GRK4: variants seen among roughly 807,000 people sequenced by gnomAD.
GRK4 encodes the protein G protein-coupled receptor kinase 4, also known as G protein-coupled receptor kinase 2-like.
A neutral mutation model predicts 77.9 loss-of-function variants in GRK4; 73 were observed. The ratio of observed to expected loss-of-function variants is 0.94; its 90% CI spans 0.78 to 1.14. GRK4 has a LOEUF of 1.14. GRK4 is among the 50% of genes most tolerant of loss of function. GRK4 has a pLI of 0.00. For missense variants in GRK4, 729 were observed against 700.2 expected, an observed-to-expected ratio of 1.04 and a Z score of -0.46; for synonymous variants, 257 against 254.4, an observed-to-expected ratio of 1.01 and a Z score of -0.10.
chr4:3,009,684 A>T lies in GRK4; in HGVS notation c.573A>T (p.Arg191Ser). ...CAAAGAACACATTTAGACATTACAG[A>T]GTTCTAGGAAAAGGCGGATTTGGAG... ...PVTKNTFRHY[R>S]VLGKGGFGEV... Residue 191 changes from arginine to serine, a missense_variant, in exon 7 of 16, where the codon AGA becomes AGT. Arg to Ser is a moderately radical substitution (Grantham distance 110, BLOSUM62 -1). Transcript: ENST00000398052. The T allele has an allele frequency of 6.2e-7, 1 of 1,613,984 alleles. No homozygotes were observed.
At chr4:2,983,794 G>A (rs192713414) in intron 1 of GRK4, among the ~76,000 whole-genome samples, 4 of 152,136 alleles carry the variant, frequency 2.6e-5, no homozygotes, top group Non-Finnish European at 4.4e-5. Context: ...AAATAAAAGA[G>A]GTTTAATTGA....
At chr4:2,975,550 C>T (rs555347033) in intron 1 of GRK4, among the ~76,000 whole-genome samples, 112 of 152,250 alleles carry the variant, frequency 7.4e-4, no homozygotes, top group African/African-American at 2.7e-3. Flanking sequence ...CCTTGATTAG[C>T]GCCCAGTTCT....
At chr4:2,979,529 C>G (rs1467162741) in intron 1 of GRK4, among the ~76,000 whole-genome samples, 1 of 151,816 alleles carries the variant, frequency 6.6e-6, no homozygotes, top group East Asian at 1.9e-4. Flanking sequence ...GCCTGACCAA[C>G]ATGGAGAAAC....
At chr4:3,004,598 A>G (rs548976368) in intron 5 of GRK4, among the ~76,000 whole-genome samples, 1 of 152,234 alleles carries the variant, frequency 6.6e-6, no homozygotes, top group Non-Finnish European at 1.5e-5. Context: ...AGATGAACAC[A>G]TATTTTGTAT....
chr4:2,996,417 T>C (rs748868935), intron 4 of GRK4, among the ~76,000 whole-genome samples: 6 of 152,132 alleles, frequency 3.9e-5, no homozygotes, highest in Non-Finnish European at 7.4e-5. Flanking sequence ...TAGCCAGGCA[T>C]GGTGGCAGGT....
intron 4 of GRK4, among the ~76,000 whole-genome samples, chr4:2,998,519 G>T (rs1238462669): frequency 6.6e-6 from 1 of 151,982 alleles, no homozygotes; most frequent in Non-Finnish European, 1.5e-5. Flanking sequence ...AAGGCTGCAA[G>T]ATACTAAGTC....
intron 10 of GRK4, among the ~76,000 whole-genome samples, chr4:3,026,220 C>T (rs1028470899): frequency 6.6e-6 from 1 of 152,222 alleles, no homozygotes; most frequent in Non-Finnish European, 1.5e-5. Context: ...GCATTCCCAC[C>T]AGCAGTGCAC....
At position 2,992,317 on chromosome 4, in the gene GRK4, A is replaced by G. The variant is rs114713665; in HGVS notation, c.339+25A>G. The G allele has an allele frequency of 5.7e-4, 836 of 1,464,768 alleles. 9 individuals are homozygous for G. The African/African-American group carries it at 9.2e-3, about 16-fold the overall frequency. 90.7% of individuals were successfully genotyped at this position (1,464,768 alleles called of 1,614,324 possible). On this transcript the variant is annotated intron_variant, in intron 4 of 15. Coordinates refer to ENST00000398052, the MANE Select transcript of GRK4 (RefSeq NM_182982.3). Reference sequence around the variant, plus strand: ...GGTGTGTTTTCTTCTTTAGAATAAAAATTTGTAGATAAATAATTAGAGTGC... The same window carrying G: ...GGTGTGTTTTCTTCTTTAGAATAAAGATTTGTAGATAAATAATTAGAGTGC...
Position 3,005,847 on chromosome 4 carries a change from C to G in GRK4, c.443+1513C>G, listed in dbSNP as rs140441676. Reference sequence around the variant, plus strand: ...ATAAAAATAAAAAACAAGGCTTTCTCTCTCTATCTGGCTTTCTCTTGAGGT... The same window carrying G: ...ATAAAAATAAAAAACAAGGCTTTCTGTCTCTATCTGGCTTTCTCTTGAGGT... On this transcript the variant is annotated intron_variant, in intron 5 of 15. Transcript: ENST00000398052. 9.7e-3 allele frequency among the ~76,000 whole-genome samples: 1,471 copies of G among 152,090 alleles called. 28 individuals carry two copies. Among genetic ancestry groups the G allele is most frequent in the Non-Finnish European group, 0.015 (994 of 67,966 alleles).
chr4:3,016,060 C>G (rs1383535628), intron 8 of GRK4, among the ~76,000 whole-genome samples: 3 of 151,238 alleles, frequency 2.0e-5, no homozygotes, highest in Non-Finnish European at 4.4e-5. Flanking sequence ...AGGTGCCCAC[C>G]ACCACACCCA....
chr4:2,996,747 A>G (rs1245372533), intron 4 of GRK4, among the ~76,000 whole-genome samples: 1 of 151,792 alleles, frequency 6.6e-6, no homozygotes, highest in Non-Finnish European at 1.5e-5. Context: ...CTTACCATCA[A>G]CTGGGGAAAC....
intron 4 of GRK4, among the ~76,000 whole-genome samples, chr4:2,996,070 CT>C (rs61244885): frequency 0.014 from 2,005 of 146,338 alleles, 32 homozygotes; most frequent in African/African-American, 0.04. Context: ...AGATAAAAAC[CT>C]TTTTTTTTTT....
intron 4 of GRK4, among the ~76,000 whole-genome samples, chr4:2,999,567 C>G (rs1728937653): frequency 6.6e-6 from 1 of 152,190 alleles, no homozygotes. Context: ...ACTGGAACAA[C>G]TGGATAGCCA....
intron 1 of GRK4, among the ~76,000 whole-genome samples, chr4:2,964,505 A>T (rs924305682): frequency 3.9e-5 from 6 of 152,234 alleles, no homozygotes; most frequent in Admixed American, 1.3e-4. Flanking sequence ...CGGCGTCTTT[A>T]TGGTCTTAAG....
At chr4:2,977,522 A>G (rs1363243284) in intron 1 of GRK4, among the ~76,000 whole-genome samples, 1 of 152,182 alleles carries the variant, frequency 6.6e-6, no homozygotes, top group Non-Finnish European at 1.5e-5. Flanking sequence ...TAAACCTTAA[A>G]ATCTCTGTTG....
In GRK4 at chr4:3,001,164, T is replaced by C. The variant is rs916394426; in HGVS notation, c.340-3067T>C. On this transcript the variant is annotated intron_variant, in intron 4 of 15. Transcript: ENST00000398052. ...ATAGGTATATATGTGTATGTGTATA[T>C]ATATGTATATATGTGTATGTGTATA... Among the ~76,000 whole-genome samples, 38 of 125,906 alleles carry C rather than the reference T, an allele frequency of 3.0e-4. 2 individuals are homozygous for C. Among genetic ancestry groups the C allele is most frequent in the Non-Finnish European group, 5.4e-4 (33 of 60,574 alleles). The allele number at this position is 125,906 out of a possible 152,430, so 82.6% of individuals were successfully genotyped here.
At chr4:2,971,881 T>C (rs1351763980) in intron 1 of GRK4, among the ~76,000 whole-genome samples, 1 of 152,206 alleles carries the variant, frequency 6.6e-6, no homozygotes, top group Non-Finnish European at 1.5e-5. Flanking sequence ...TGGGTGTGTC[T>C]GTGTCCAATT....
intron 1 of GRK4, chr4:2,965,318 C>G: frequency 2.8e-6 from 2 of 703,072 alleles, no homozygotes; most frequent in South Asian, 3.0e-5. Context: ...TCTGTGCAAT[C>G]CTCTGTCTCG....
Position 3,040,557 on chromosome 4 carries a change from C to A in GRK4, c.1684-15C>A, listed in dbSNP as rs749364191. On this transcript the variant is annotated splice_polypyrimidine_tract_variant and intron_variant, in intron 15 of 15. Transcript: ENST00000398052. ...GCATCAGCCGTGTGCCTGAGGCCGC[C>A]GCTGTGTGTTGTAGGGCTGCCTGAC... is the stretch of plus-strand genomic sequence containing the variant. 5 of 1,604,606 alleles carry A rather than the reference C, an allele frequency of 3.1e-6. No homozygotes were observed. Among genetic ancestry groups the A allele is most frequent in the African/African-American group, 1.3e-5 (1 of 74,954 alleles).
Sources: gnomAD v4.1 joint callset for allele counts (sites outside exome capture counted in the v4.1 genomes callset) on GRCh38, gnomAD v4.1.1 for gene constraint, MANE v1.5 for transcripts, NCBI Gene and HGNC (gene_info 2026-07-23, HGNC 2026-07-21) for gene names.